Variants in PPARGC1A observed in about 807,000 individuals in gnomAD.
The protein encoded by PPARGC1A is peroxisome proliferator-activated receptor gamma coactivator 1-alpha.
PPARGC1A carries 25 observed loss-of-function variants against 88.7 expected under a neutral mutation model. The observed-to-expected ratio is 0.28, with a 90% CI of 0.21 to 0.39. The LOEUF is 0.39. Among genes scored for constraint, PPARGC1A ranks in the 10% least tolerant of loss-of-function variants. PPARGC1A has a pLI of 1.00. For synonymous variants in PPARGC1A, 363 were observed against 355.6 expected, an observed-to-expected ratio of 1.02 and a Z score of -0.24; for missense variants, 880 against 968.7, an observed-to-expected ratio of 0.91 and a Z score of 1.22.
At chr4:23,866,812 T>C (rs981377018) in intron 2 of PPARGC1A, among the ~76,000 whole-genome samples, 1 of 152,190 alleles carries the variant, frequency 6.6e-6, no homozygotes, top group East Asian at 1.9e-4. Flanking sequence ...ATTTAATTCA[T>C]TTCTGATTCT....
chr4:24,203,752 T>C, the PPARGC1A span, among the ~76,000 whole-genome samples: 1 of 152,222 alleles, frequency 6.6e-6, no homozygotes, highest in East Asian at 1.9e-4. Flanking sequence ...ATCAAGGAGA[T>C]AAAACTTGCA....
chr4:24,157,922 A>G, the PPARGC1A span, among the ~76,000 whole-genome samples: 16 of 152,044 alleles, frequency 1.1e-4, no homozygotes, highest in African/African-American at 3.9e-4. Flanking sequence ...ATCACTTTTC[A>G]ATTTAAAAAA....
chr4:24,353,531 C>T, the PPARGC1A span, among the ~76,000 whole-genome samples: 75 of 152,270 alleles, frequency 4.9e-4, 1 homozygote, highest in African/African-American at 1.7e-3. Flanking sequence ...TCAGATTTCC[C>T]GATTCCTAAG....
the PPARGC1A span, among the ~76,000 whole-genome samples, chr4:24,181,926 G>T: frequency 6.6e-6 from 1 of 151,762 alleles, no homozygotes; most frequent in Non-Finnish European, 1.5e-5. Flanking sequence ...GTGAAGGAAC[G>T]TATCCTTCTG....
chr4:24,103,014 A>G, the PPARGC1A span, among the ~76,000 whole-genome samples: 1 of 152,122 alleles, frequency 6.6e-6, no homozygotes, highest in Non-Finnish European at 1.5e-5. Context: ...CCTTGCCAGA[A>G]ATTGCCCTGG....
chr4:23,800,237 TGATA>T (rs1243226700), intron 12 of PPARGC1A, among the ~76,000 whole-genome samples: 1 of 152,150 alleles, frequency 6.6e-6, no homozygotes, highest in African/African-American at 2.4e-5. Flanking sequence ...GTTAATTTCA[TGATA>T]AATATTACAA....
chr4:24,394,289 A>T, the PPARGC1A span, among the ~76,000 whole-genome samples: 3 of 152,182 alleles, frequency 2.0e-5, no homozygotes, highest in Non-Finnish European at 4.4e-5. Context: ...ATTTTGAGTC[A>T]TTATCCCACA....
chr4:24,320,148 C>A, the PPARGC1A span, among the ~76,000 whole-genome samples: 20 of 152,200 alleles, frequency 1.3e-4, no homozygotes, highest in Non-Finnish European at 1.9e-4. Flanking sequence ...TAGTAGATTT[C>A]CTTTGAAAAT....
At chr4:24,193,030 T>C in the PPARGC1A span, among the ~76,000 whole-genome samples, 1 of 152,214 alleles carries the variant, frequency 6.6e-6, no homozygotes, top group African/African-American at 2.4e-5. Context: ...AGAGGAGATA[T>C]CTAGATCAAT....
chr4:23,927,503 C>T, the PPARGC1A span, among the ~76,000 whole-genome samples: 18 of 151,976 alleles, frequency 1.2e-4, no homozygotes, highest in African/African-American at 4.4e-4. Flanking sequence ...GGATCTGTTT[C>T]ACCTTTCTTG....
chr4:24,123,644 G>T, the PPARGC1A span, among the ~76,000 whole-genome samples: 5 of 152,252 alleles, frequency 3.3e-5, no homozygotes, highest in East Asian at 9.7e-4. Context: ...GAACCAGTGG[G>T]TAAATGTAAG....
chr4:24,190,052 C>A, the PPARGC1A span, among the ~76,000 whole-genome samples: 5 of 152,138 alleles, frequency 3.3e-5, no homozygotes, highest in Admixed American at 1.3e-4. Context: ...TAGCATGATG[C>A]TGTGACATGC....
At chr4:23,801,701 C>T (rs1718769775) in intron 12 of PPARGC1A, 29 bp downstream of exon 12, 1 of 1,612,522 alleles carries the variant, frequency 6.2e-7, no homozygotes, top group Non-Finnish European at 8.5e-7. Flanking sequence ...ATTATGGATT[C>T]CTCATTCCAC....
At chr4:24,098,430 A>G in the PPARGC1A span, among the ~76,000 whole-genome samples, 1 of 152,236 alleles carries the variant, frequency 6.6e-6, no homozygotes, top group Non-Finnish European at 1.5e-5. Context: ...GTGATTAACC[A>G]GTGAACTACC....
chr4:24,179,967 A>C, the PPARGC1A span, among the ~76,000 whole-genome samples: 1 of 152,088 alleles, frequency 6.6e-6, no homozygotes, highest in Non-Finnish European at 1.5e-5. Context: ...TTATTCATAG[A>C]TCCTACCCAC....
the PPARGC1A span, among the ~76,000 whole-genome samples, chr4:24,042,927 T>A: frequency 6.6e-6 from 1 of 152,224 alleles, no homozygotes; most frequent in Non-Finnish European, 1.5e-5. Context: ...ATTATTTTCT[T>A]TGTTAACAAA....
At chr4:23,997,187 C>T in the PPARGC1A span, among the ~76,000 whole-genome samples, 1 of 152,092 alleles carries the variant, frequency 6.6e-6, no homozygotes, top group Non-Finnish European at 1.5e-5. Context: ...GCCATTCTGC[C>T]ACTGTCTCTT....
chr4:23,846,265 G>A (rs1728306620), intron 2 of PPARGC1A, among the ~76,000 whole-genome samples: 1 of 152,124 alleles, frequency 6.6e-6, no homozygotes, highest in African/African-American at 2.4e-5. Context: ...AAAGCTGCGT[G>A]GTCAACTCTT....
chr4:24,394,696 AT>A, the PPARGC1A span, among the ~76,000 whole-genome samples: 1 of 152,190 alleles, frequency 6.6e-6, no homozygotes, highest in South Asian at 2.1e-4. Flanking sequence ...CCAAGTCATT[AT>A]GACTGCATTT....
Sources: gnomAD v4.1 joint callset for allele counts (sites outside exome capture counted in the v4.1 genomes callset) on GRCh38, gnomAD v4.1.1 for gene constraint, MANE v1.5 for transcripts, NCBI Gene and HGNC (gene_info 2026-07-23, HGNC 2026-07-21) for gene names.